Variants in PPP1R13B observed in about 807,000 individuals in gnomAD.
PPP1R13B encodes the protein apoptosis-stimulating of p53 protein 1.
A neutral mutation model predicts 119.8 loss-of-function variants in PPP1R13B; 44 were observed. That is an observed-to-expected ratio of 0.37 (90% CI 0.29 to 0.47). The LOEUF (loss-of-function observed/expected upper bound fraction) is 0.47, where lower values mean the gene tolerates loss of function less well. PPP1R13B is among the 20% of genes least tolerant of loss of function. The pLI is 0.99. For missense variants in PPP1R13B, 1,227 were observed against 1,413.5 expected (o/e 0.87, Z 2.12); for synonymous variants, 542 against 561.5 (o/e 0.97, Z 0.49).
chr14:103,828,666 G>A (rs773744064), intron 1 of PPP1R13B, among the ~76,000 whole-genome samples: 2 of 152,154 alleles, frequency 1.3e-5, no homozygotes, highest in Non-Finnish European at 1.5e-5. Context: ...AGGACGCCAC[G>A]GAAGGTTAAG....
At position 103,841,603 on chromosome 14, in the gene PPP1R13B, A is replaced by G. The variant is rs114727847; in HGVS notation, c.9+5696T>C. Among the ~76,000 whole-genome samples the G allele has an allele frequency of 5.8e-3, 878 of 152,278 alleles. 9 individuals are homozygous for G. The highest frequency in any genetic ancestry group is 0.02 in the African/African-American group (833 of 41,548). ...ACACTCCAACTCAAAAAGAAAAAAA[A>G]AGAAAAAAAAATTTTTTTAAATATT... On this transcript the variant is annotated intron_variant, in intron 1 of 16. Coordinates refer to ENST00000202556, the MANE Select transcript of PPP1R13B (RefSeq NM_015316.3).
At chr14:103,822,674 G>A (rs1403480482) in intron 1 of PPP1R13B, among the ~76,000 whole-genome samples, 5 of 151,770 alleles carry the variant, frequency 3.3e-5, no homozygotes, top group Non-Finnish European at 7.4e-5. Flanking sequence ...TTAACCAGGT[G>A]TGGTGGCGCA....
chr14:103,847,426 G>C lies in PPP1R13B; in HGVS notation c.-119C>G, dbSNP rs2087078540. ...CTCCCGCCGCCGTGCTCTCCGGCCCGGCCGCGGCGAGGCGGCAGCTGCGGC... is the reference window on the plus strand; with the variant it reads ...CTCCCGCCGCCGTGCTCTCCGGCCCCGCCGCGGCGAGGCGGCAGCTGCGGC... On this transcript the variant is annotated 5_prime_UTR_variant, in exon 1 of 17. Transcript: ENST00000202556. 1 of 1,020,842 alleles carries C rather than the reference G, an allele frequency of 9.8e-7. No individual in the cohort carries two copies. The highest frequency in any genetic ancestry group is 1.2e-6 in the Non-Finnish European group (1 of 854,436). The allele number at this position is 1,020,842 out of a possible 1,614,324, so 63.2% of individuals were successfully genotyped here.
At chr14:103,767,223 G>A (rs2084957791) in intron 4 of PPP1R13B, among the ~76,000 whole-genome samples, 1 of 152,194 alleles carries the variant, frequency 6.6e-6, no homozygotes, top group Non-Finnish European at 1.5e-5. Flanking sequence ...GCTGAGGTGA[G>A]AGGACTGCTT....
intron 9 of PPP1R13B, among the ~76,000 whole-genome samples, chr14:103,745,129 C>T (rs1265558707): frequency 6.6e-6 from 1 of 152,206 alleles, no homozygotes; most frequent in Non-Finnish European, 1.5e-5. Context: ...GCCAACCCCA[C>T]ACTTTATGTG....
Position 103,735,167 on chromosome 14 carries a change from C to T in PPP1R13B, c.3260G>A (p.Arg1087Gln), listed in dbSNP as rs2084063696. The change falls in exon 17 of 17, where the codon CGA (arginine) becomes CAA (glutamine). Residue 1087 changes from arginine to glutamine, a missense_variant. Physicochemically the swap from Arg to Gln is conservative, Grantham distance 43 (BLOSUM62 1). Coordinates refer to ENST00000202556, the MANE Select transcript of PPP1R13B (RefSeq NM_015316.3). ...GLYPRIKPRQ[R>Q]TLA The stretch of plus-strand genomic sequence containing the variant: ...CCAAAAGGAAGTTCAGGCGAGTGTT[C>T]GCTGTCGGGGTTTGATCCGTGGATA... 2 of 1,614,146 alleles carry T rather than the reference C, an allele frequency of 1.2e-6. No homozygotes were observed. Among genetic ancestry groups the T allele is most frequent in the East Asian group, 2.2e-5 (1 of 44,882 alleles).
chr14:103,776,447 C>T (rs2085197343), intron 4 of PPP1R13B, among the ~76,000 whole-genome samples: 1 of 152,114 alleles, frequency 6.6e-6, no homozygotes, highest in African/African-American at 2.4e-5. Context: ...AGCTCCGAGG[C>T]CAGTGGGCTA....
At chr14:103,800,570 C>T (rs986674251) in intron 1 of PPP1R13B, among the ~76,000 whole-genome samples, 2 of 151,750 alleles carry the variant, frequency 1.3e-5, no homozygotes, top group African/African-American at 4.8e-5. Flanking sequence ...ATGAGAATCA[C>T]TTGAACCCCG....
At chr14:103,746,720 A>T in intron 8 of PPP1R13B, 167 bp from the exon 9 acceptor site, 1 of 547,444 alleles carries the variant, frequency 1.8e-6, no homozygotes, top group African/African-American at 1.9e-5. Flanking sequence ...ACTGTGGAGA[A>T]GGAACTGTAG....
intron 4 of PPP1R13B, chr14:103,763,233 C>A (rs1008396328): frequency 4.9e-5 from 26 of 533,480 alleles, no homozygotes; most frequent in African/African-American, 4.2e-4. Flanking sequence ...TGACTTGGAA[C>A]TCAGTGGGCC....
At chr14:103,747,397 T>C (rs1002033978) in intron 8 of PPP1R13B, 6 of 152,206 alleles carry the variant, frequency 3.9e-5, no homozygotes, top group African/African-American at 1.4e-4. Flanking sequence ...GTAGGTGGAA[T>C]GAATCTAGCT....
chr14:103,836,099 G>A (rs1289909408), intron 1 of PPP1R13B, among the ~76,000 whole-genome samples: 2 of 150,282 alleles, frequency 1.3e-5, no homozygotes, highest in African/African-American at 2.5e-5. Flanking sequence ...AGGCTGGAGT[G>A]CAGAGGCACG....
intron 1 of PPP1R13B, among the ~76,000 whole-genome samples, chr14:103,835,263 C>T (rs2086749278): frequency 6.6e-6 from 1 of 152,072 alleles, no homozygotes; most frequent in African/African-American, 2.4e-5. Context: ...GCTGGGACCA[C>T]TGGTGTCAGC....
intron 8 of PPP1R13B, among the ~76,000 whole-genome samples, chr14:103,748,123 G>A (rs913392319): frequency 1.2e-4 from 18 of 150,534 alleles, no homozygotes; most frequent in African/African-American, 3.7e-4. Flanking sequence ...ACGTGCACGC[G>A]CACGCTACTG....
chr14:103,776,354 T>C (rs572592203), intron 4 of PPP1R13B, among the ~76,000 whole-genome samples: 8 of 152,254 alleles, frequency 5.3e-5, no homozygotes, highest in South Asian at 2.1e-4. Flanking sequence ...GTCACAAATA[T>C]AGCCAATAAA....
chr14:103,734,587 A>C lies in PPP1R13B; in HGVS notation c.*567T>G. On this transcript the variant is annotated 3_prime_UTR_variant, in exon 17 of 17. Coordinates refer to ENST00000202556, the MANE Select transcript of PPP1R13B (RefSeq NM_015316.3). ...ACTGGAACAGGAAGCGGAACCCCCAAGGCGGCCGAGCAGAGTGGGTACTGG... is the reference window on the plus strand; with the variant it reads ...ACTGGAACAGGAAGCGGAACCCCCACGGCGGCCGAGCAGAGTGGGTACTGG... The C allele has an allele frequency of 2.2e-6, 1 of 456,486 alleles. No individual in the cohort carries two copies. Among genetic ancestry groups the C allele is most frequent in the African/African-American group, 2.0e-5 (1 of 50,196 alleles). 28.3% of individuals were successfully genotyped at this position (456,486 alleles called of 1,614,324 possible).
At chr14:103,800,869 A>G (rs1196048307) in intron 1 of PPP1R13B, among the ~76,000 whole-genome samples, 2 of 151,600 alleles carry the variant, frequency 1.3e-5, no homozygotes, top group Middle Eastern at 3.2e-3. Flanking sequence ...TCTTTTTTTG[A>G]GACGGAGTTT....
At chr14:103,757,293 A>G (rs537308446) in intron 5 of PPP1R13B, among the ~76,000 whole-genome samples, 22 of 152,248 alleles carry the variant, frequency 1.4e-4, no homozygotes, top group Admixed American at 1.1e-3. Flanking sequence ...GGCTCCAGCA[A>G]TCCTCCTGCC....
intron 1 of PPP1R13B, among the ~76,000 whole-genome samples, chr14:103,833,515 C>A: frequency 6.6e-6 from 1 of 152,032 alleles, no homozygotes. Context: ...TTGTTGTGCA[C>A]ACCTGTAATG....
Sources: allele counts gnomAD v4.1 joint callset (sites outside exome capture counted in the v4.1 genomes callset), GRCh38; gene constraint gnomAD v4.1.1; transcripts MANE v1.5; gene names NCBI Gene and HGNC (gene_info 2026-07-23, HGNC 2026-07-21).